Variants in STXBP5L observed in about 807,000 individuals in gnomAD.
STXBP5L encodes the protein syntaxin binding protein 5L.
A neutral mutation model predicts 144.5 loss-of-function variants in STXBP5L; 65 were observed. The observed-to-expected ratio is 0.45, with a 90% CI of 0.37 to 0.55. The LOEUF is 0.55. Ranked by LOEUF, STXBP5L falls within the 20% of genes least tolerant of loss-of-function variation. STXBP5L has a pLI of 0.00. For synonymous variants in STXBP5L, 505 were observed against 469.6 expected (o/e 1.08, Z -0.97); for missense variants, 1,298 against 1,405.5 (o/e 0.92, Z 1.22).
At position 121,244,849 on chromosome 3, in the gene STXBP5L, A is replaced by G. The variant is rs140074395; in HGVS notation, c.1400+4342A>G. 2.4e-3 allele frequency among the ~76,000 whole-genome samples: 372 copies of G among 152,238 alleles called. 2 individuals carry two copies. Among genetic ancestry groups the G allele is most frequent in the African/African-American group, 8.0e-3 (334 of 41,552 alleles). On this transcript the variant is annotated intron_variant, in intron 14 of 26. Coordinates refer to ENST00000471454, the MANE Select transcript of STXBP5L (RefSeq NM_001308330.2). ...TATATTTGTCATAACCAACTTCAAA[A>G]ATGAAGGAGCAATAAGACCTCCCTA...
At chr3:121,342,800 T>G (rs1222229666) in intron 20 of STXBP5L, among the ~76,000 whole-genome samples, 1 of 147,340 alleles carries the variant, frequency 6.8e-6, no homozygotes, top group Non-Finnish European at 1.5e-5. Context: ...AGTGCCACAA[T>G]AAACATACAT....
intron 3 of STXBP5L, among the ~76,000 whole-genome samples, chr3:120,979,413 A>C (rs949029183): frequency 6.6e-6 from 1 of 152,188 alleles, no homozygotes; most frequent in Non-Finnish European, 1.5e-5. Flanking sequence ...GCGCAGTATT[A>C]GGGTGGGCGT....
intron 7 of STXBP5L, among the ~76,000 whole-genome samples, chr3:121,142,450 A>G (rs1328526719): frequency 6.6e-6 from 1 of 152,034 alleles, no homozygotes; most frequent in Non-Finnish European, 1.5e-5. Flanking sequence ...AGCAAGATAT[A>G]CATTTTTCTC....
At chr3:120,922,932 ATTTG>A (rs1247165376) in intron 2 of STXBP5L, among the ~76,000 whole-genome samples, 2 of 151,798 alleles carry the variant, frequency 1.3e-5, no homozygotes. Flanking sequence ...TAGAATTGCT[ATTTG>A]TTCTTTAAAA....
At chr3:121,104,996 C>G (rs2043623460) in intron 5 of STXBP5L, among the ~76,000 whole-genome samples, 1 of 152,056 alleles carries the variant, frequency 6.6e-6, no homozygotes, top group Non-Finnish European at 1.5e-5. Flanking sequence ...TGACAACGGA[C>G]TATATCCAGA....
intron 5 of STXBP5L, among the ~76,000 whole-genome samples, chr3:121,109,037 T>G (rs2043851661): frequency 6.6e-6 from 1 of 152,064 alleles, no homozygotes; most frequent in South Asian, 2.1e-4. Context: ...AACTAATTTA[T>G]TTGTTTATAG....
At chr3:121,258,968 C>A in intron 17 of STXBP5L, 75 bp from the exon 18 acceptor site, 1 of 1,386,524 alleles carries the variant, frequency 7.2e-7, no homozygotes, top group Admixed American at 2.2e-5. Context: ...TAGCATGATT[C>A]TATGTAAATT....
intron 3 of STXBP5L, among the ~76,000 whole-genome samples, chr3:121,014,135 A>G (rs1398560662): frequency 6.6e-6 from 1 of 152,042 alleles, no homozygotes; most frequent in African/African-American, 2.4e-5. Context: ...TTTTGGTTCC[A>G]TGTGAATTTT....
rs1947159359 is a variant in STXBP5L at position 121,041,592 on chromosome 3, T to A, written c.288-108T>A. 9 of 786,082 alleles carry A rather than the reference T, an allele frequency of 1.1e-5. No individual in the cohort carries two copies. In the Admixed American group the frequency reaches 2.1e-4, roughly 18 times the overall value. The allele number at this position is 786,082 out of a possible 1,614,324, so 48.7% of individuals were successfully genotyped here. On this transcript the variant is annotated intron_variant, in intron 3 of 26. Transcript: ENST00000471454. Reference sequence around the variant, plus strand: ...AAGATTTTTCAACTATTTATAAAAATAAGGGAAACCAAATAGCAAAACATC... The same window carrying A: ...AAGATTTTTCAACTATTTATAAAAAAAAGGGAAACCAAATAGCAAAACATC...
intron 19 of STXBP5L, among the ~76,000 whole-genome samples, chr3:121,291,077 G>A (rs894384038): frequency 5.3e-5 from 8 of 152,034 alleles, no homozygotes; most frequent in Admixed American, 1.3e-4. Context: ...AATAAATAAA[G>A]GGCATATGAA....
At chr3:121,256,261 C>A (rs2050202985) in intron 16 of STXBP5L, among the ~76,000 whole-genome samples, 1 of 151,922 alleles carries the variant, frequency 6.6e-6, no homozygotes, top group African/African-American at 2.4e-5. Flanking sequence ...GTTTTGTCAC[C>A]ACCAGAGGTT....
intron 3 of STXBP5L, among the ~76,000 whole-genome samples, chr3:120,957,649 T>C (rs1938194716): frequency 6.6e-6 from 1 of 152,072 alleles, no homozygotes; most frequent in Admixed American, 6.6e-5. Context: ...GGTAGACTTC[T>C]GAATTACTAC....
At chr3:121,232,564 A>G (rs1490347125) in intron 11 of STXBP5L, among the ~76,000 whole-genome samples, 1 of 152,168 alleles carries the variant, frequency 6.6e-6, no homozygotes, top group East Asian at 1.9e-4. Flanking sequence ...CCTCAAGTGG[A>G]TCCCATCCCT....
Position 120,931,641 on chromosome 3 carries a change from G to A in STXBP5L, c.189+21874G>A, listed in dbSNP as rs143554484. On this transcript the variant is annotated intron_variant, in intron 2 of 26. Transcript: ENST00000471454. ...AGTTGCTAGAATATGTTGCTAAGCA[G>A]GTATGCTTTAAGAACTAGATAAGAA... is the stretch of plus-strand genomic sequence containing the variant. Among the ~76,000 whole-genome samples, 464 of 152,164 alleles carry A rather than the reference G, an allele frequency of 3.0e-3. 3 individuals are homozygous for A. Among genetic ancestry groups the A allele is most frequent in the African/African-American group, 0.01 (433 of 41,532 alleles).
At chr3:121,347,051 G>A (rs2045022852) in intron 20 of STXBP5L, among the ~76,000 whole-genome samples, 1 of 152,116 alleles carries the variant, frequency 6.6e-6, no homozygotes, top group African/African-American at 2.4e-5. Flanking sequence ...GAATGGTATT[G>A]CCTAGGTTTT....
At chr3:120,950,924 C>G (rs1158849478) in intron 2 of STXBP5L, among the ~76,000 whole-genome samples, 2 of 152,114 alleles carry the variant, frequency 1.3e-5, no homozygotes, top group African/African-American at 2.4e-5. Context: ...GCTACAGTAA[C>G]CAAAACAGCA....
At chr3:121,161,865 A>T (rs1055871133) in intron 9 of STXBP5L, among the ~76,000 whole-genome samples, 2 of 152,120 alleles carry the variant, frequency 1.3e-5, no homozygotes, top group African/African-American at 4.8e-5. Context: ...GTCCACAATT[A>T]CCGCTTTTAT....
chr3:121,175,422 G>A (rs981268909), intron 9 of STXBP5L, among the ~76,000 whole-genome samples: 1 of 152,100 alleles, frequency 6.6e-6, no homozygotes, highest in Non-Finnish European at 1.5e-5. Context: ...CTCTTGTCCT[G>A]TACATGTTCA....
At chr3:121,315,765 G>C (rs1009751282) in intron 19 of STXBP5L, among the ~76,000 whole-genome samples, 4 of 152,064 alleles carry the variant, frequency 2.6e-5, no homozygotes, top group Non-Finnish European at 2.9e-5. Flanking sequence ...ACTTTGGGAG[G>C]CTGAGGCAGG....
Sources: allele counts gnomAD v4.1 joint callset (sites outside exome capture counted in the v4.1 genomes callset), GRCh38; gene constraint gnomAD v4.1.1; transcripts MANE v1.5; gene names NCBI Gene and HGNC (gene_info 2026-07-23, HGNC 2026-07-21).